FRAS1: variants seen among roughly 807,000 people sequenced by gnomAD.
FRAS1 encodes extracellular matrix organizing protein FRAS1.
FRAS1 carries 290 observed loss-of-function variants against 435.2 expected under a neutral mutation model. That is an observed-to-expected ratio of 0.67 (90% CI 0.61 to 0.73). The LOEUF is 0.73. Among genes scored for constraint, FRAS1 ranks in the 30% least tolerant of loss-of-function variants. The probability of loss-of-function intolerance (pLI) is 0.00; values close to 1 mark genes in which losing one functional copy is unlikely to be tolerated. For synonymous variants in FRAS1, 1,800 were observed against 1,851.0 expected, an observed-to-expected ratio of 0.97 and a Z score of 0.71; for missense variants, 4,860 against 5,001.5, an observed-to-expected ratio of 0.97 and a Z score of 0.85.
At chr4:78,266,575 C>T (rs1726367483) in intron 7 of FRAS1, among the ~76,000 whole-genome samples, 1 of 152,234 alleles carries the variant, frequency 6.6e-6, no homozygotes, top group South Asian at 2.1e-4. Flanking sequence ...TCTCGGGTCT[C>T]TATGTGCCTG....
intron 14 of FRAS1, among the ~76,000 whole-genome samples, chr4:78,301,599 G>C (rs772377676): frequency 2.2e-4 from 34 of 152,186 alleles, no homozygotes; most frequent in Non-Finnish European, 4.6e-4. Context: ...CTAGAGTCCA[G>C]GGAATCCCTC....
intron 2 of FRAS1, among the ~76,000 whole-genome samples, chr4:78,225,938 A>G (rs1052547743): frequency 6.6e-6 from 1 of 151,988 alleles, no homozygotes; most frequent in Non-Finnish European, 1.5e-5. Flanking sequence ...TTTGCTTTCT[A>G]TTTGTTACTC....
chr4:78,483,767 ACTCTCTCTCT>A (rs148245140), intron 58 of FRAS1, among the ~76,000 whole-genome samples: 1,134 of 110,064 alleles, frequency 0.01, 107 homozygotes, highest in African/African-American at 0.033. Context: ...GAAAAAAAAA[ACTCTCTCTCT>A]CTCTCTATAT....
At chr4:78,115,561 G>T (rs533026836) in intron 2 of FRAS1, among the ~76,000 whole-genome samples, 84 of 152,108 alleles carry the variant, frequency 5.5e-4, no homozygotes, top group African/African-American at 1.9e-3. Flanking sequence ...GTCTTGGGAG[G>T]GTGTATGTGT....
At chr4:78,417,505 A>G (rs1733598428) in intron 32 of FRAS1, among the ~76,000 whole-genome samples, 1 of 152,226 alleles carries the variant, frequency 6.6e-6, no homozygotes, top group African/African-American at 2.4e-5. Context: ...TATAGGGCAT[A>G]TAGTTTTAAT....
chr4:78,438,698 C>T lies in FRAS1; in HGVS notation c.5346C>T (p.Asp1782=), dbSNP rs1426862731. The change falls in exon 39 of 74, where the codon GAC becomes GAT. Residue 1782 remains aspartate (D), a synonymous_variant. Coordinates refer to ENST00000512123, the MANE Select transcript of FRAS1 (RefSeq NM_025074.7). ...AAGTTTCCAATTTCACAATGGAAGA[C>T]ATCAATAACAAGAAAATCAGGTACA... ...LSEVSNFTME[D]INNKKIRYSA... The T allele has an allele frequency of 6.2e-7, 1 of 1,601,020 alleles. No individual in the cohort carries two copies. The highest frequency in any genetic ancestry group is 1.3e-5 in the African/African-American group (1 of 74,604).
chr4:78,517,530 T>C (rs1012781331), intron 66 of FRAS1, among the ~76,000 whole-genome samples: 4 of 152,248 alleles, frequency 2.6e-5, no homozygotes, highest in African/African-American at 7.2e-5. Context: ...TGTCTGTTTC[T>C]TTGAAAATAA....
rs1726280966 is a variant in FRAS1, at chr4:78,265,019, G to C, written c.604-6G>C. ...GTGATGGATTGTTCCTGTTCTGCGT[G>C]TTAAGGATGAGACTGTAGTCCGAGT... On this transcript the variant is annotated splice_region_variant and splice_polypyrimidine_tract_variant and intron_variant, in intron 6 of 73. Coordinates refer to ENST00000512123, the MANE Select transcript of FRAS1 (RefSeq NM_025074.7). 1 of 1,583,696 alleles carries C rather than the reference G, an allele frequency of 6.3e-7. No homozygotes were observed. The highest frequency in any genetic ancestry group is 1.7e-5 in the Admixed American group (1 of 59,836).
At chr4:78,173,792 T>G (rs1721653554) in intron 2 of FRAS1, among the ~76,000 whole-genome samples, 1 of 152,238 alleles carries the variant, frequency 6.6e-6, no homozygotes, top group Admixed American at 6.5e-5. Context: ...AATTTCTTAC[T>G]GGGAGGCTAT....
intron 2 of FRAS1, among the ~76,000 whole-genome samples, chr4:78,173,262 G>A (rs1721632324): frequency 6.6e-6 from 1 of 152,206 alleles, no homozygotes; most frequent in African/African-American, 2.4e-5. Flanking sequence ...TTGAGCGCAA[G>A]CCAGTTCCCA....
intron 3 of FRAS1, among the ~76,000 whole-genome samples, chr4:78,241,023 C>T (rs963766354): frequency 1.3e-4 from 20 of 152,006 alleles, no homozygotes; most frequent in African/African-American, 4.4e-4. Flanking sequence ...CCGGTGGCCA[C>T]GCTGAGGTTG....
intron 2 of FRAS1, among the ~76,000 whole-genome samples, chr4:78,105,728 T>C (rs1742378120): frequency 6.6e-6 from 1 of 151,950 alleles, no homozygotes; most frequent in Non-Finnish European, 1.5e-5. Context: ...TTGTGAAATG[T>C]AAGATGAGAG....
At chr4:78,361,978 T>A (rs1731088758) in intron 20 of FRAS1, among the ~76,000 whole-genome samples, 1 of 152,180 alleles carries the variant, frequency 6.6e-6, no homozygotes, top group Non-Finnish European at 1.5e-5. Context: ...AATTACCACT[T>A]GAAAGCAGGA....
chr4:78,181,158 T>G, intron 2 of FRAS1: 1 of 1,592,330 alleles, frequency 6.3e-7, no homozygotes, highest in South Asian at 1.1e-5. Context: ...GCACCTTCAT[T>G]TGGTTTTCAG....
chr4:78,479,033 A>G (rs1340401313), intron 55 of FRAS1, among the ~76,000 whole-genome samples: 1 of 152,230 alleles, frequency 6.6e-6, no homozygotes, highest in African/African-American at 2.4e-5. Flanking sequence ...TCAGGACACA[A>G]TTACTTTCCT....
intron 29 of FRAS1, among the ~76,000 whole-genome samples, chr4:78,395,618 G>A (rs1732627020): frequency 2.0e-5 from 3 of 151,622 alleles, no homozygotes; most frequent in Admixed American, 2.0e-4. Flanking sequence ...TATCTTCTTT[G>A]TCTCTTGTGA....
intron 35 of FRAS1, among the ~76,000 whole-genome samples, chr4:78,427,563 G>A (rs570077465): frequency 6.6e-6 from 1 of 152,318 alleles, no homozygotes; most frequent in East Asian, 1.9e-4. Flanking sequence ...GAAAAAGTTT[G>A]TATGCTTGTC....
intron 38 of FRAS1, among the ~76,000 whole-genome samples, chr4:78,434,308 A>G (rs1734330449): frequency 6.6e-6 from 1 of 152,216 alleles, no homozygotes; most frequent in Non-Finnish European, 1.5e-5. Context: ...TTATATACAC[A>G]GTTTGCTATG....
At chr4:78,419,320 A>G (rs1733672946) in intron 33 of FRAS1, among the ~76,000 whole-genome samples, 1 of 152,238 alleles carries the variant, frequency 6.6e-6, no homozygotes, top group Non-Finnish European at 1.5e-5. Context: ...TGGAGAATGT[A>G]CATGCTACTG....
Sources: gnomAD v4.1 joint callset for allele counts (sites outside exome capture counted in the v4.1 genomes callset) on GRCh38, gnomAD v4.1.1 for gene constraint, MANE v1.5 for transcripts, NCBI Gene and HGNC (gene_info 2026-07-23, HGNC 2026-07-21) for gene names.